FER: variants seen among roughly 807,000 people sequenced by gnomAD.
FER encodes tyrosine-protein kinase Fer.
FER carries 63 observed loss-of-function variants against 111.0 expected under a neutral mutation model. The observed-to-expected ratio is 0.57, with a 90% CI of 0.46 to 0.70. The LOEUF (loss-of-function observed/expected upper bound fraction) is 0.70. Ranked by LOEUF, FER falls within the 30% of genes least tolerant of loss-of-function variation. The pLI, the probability that FER is intolerant of heterozygous loss-of-function variation, is 0.00. For missense variants in FER, 914 were observed against 954.0 expected, an observed-to-expected ratio of 0.96 and a Z score of 0.55; for synonymous variants, 327 against 313.9, an observed-to-expected ratio of 1.04 and a Z score of -0.44.
At chr5:108,801,069 T>C (rs1756593155) in intron 3 of FER, among the ~76,000 whole-genome samples, 1 of 152,210 alleles carries the variant, frequency 6.6e-6, no homozygotes, top group Non-Finnish European at 1.5e-5. Context: ...CTTTGCCTGA[T>C]GCAAAGTTAA....
At chr5:108,950,533 A>G (rs1757579334) in intron 11 of FER, among the ~76,000 whole-genome samples, 1 of 152,182 alleles carries the variant, frequency 6.6e-6, no homozygotes, top group African/African-American at 2.4e-5. Context: ...TTTAGTGCCA[A>G]AGACAGAACC....
At chr5:109,143,853 A>T (rs577652719) in intron 17 of FER, among the ~76,000 whole-genome samples, 7 of 149,900 alleles carry the variant, frequency 4.7e-5, no homozygotes, top group East Asian at 1.9e-4. Context: ...TTTGCAGCAA[A>T]ATATATATAT....
Position 109,000,234 on chromosome 5 carries a change from G to T in FER, c.1657-37188G>T, listed in dbSNP as rs529107971. Among the ~76,000 whole-genome samples the T allele has an allele frequency of 4.0e-5, 6 of 151,502 alleles. No homozygotes were observed. The South Asian group carries it at 1.0e-3, about 26-fold the overall frequency. On this transcript the variant is annotated intron_variant, in intron 13 of 19. Transcript: ENST00000281092. ...CATAGTTTATATTAAAATGTAAAAC[G>T]TGTTTATCAAAAAGCATCATAAACA...
chr5:109,032,944 G>C (rs918099504), intron 13 of FER, among the ~76,000 whole-genome samples: 1 of 152,140 alleles, frequency 6.6e-6, no homozygotes, highest in African/African-American at 2.4e-5. Context: ...ATCTGTTGTA[G>C]CTTCAAGATC....
intron 13 of FER, among the ~76,000 whole-genome samples, chr5:108,997,714 C>T (rs1764180761): frequency 6.6e-6 from 1 of 152,062 alleles, no homozygotes; most frequent in African/African-American, 2.4e-5. Flanking sequence ...GTTATGTCTG[C>T]TGAAGCTGCT....
At chr5:108,850,927 C>A (rs1421485581) in intron 5 of FER, among the ~76,000 whole-genome samples, 1 of 152,126 alleles carries the variant, frequency 6.6e-6, no homozygotes, top group Non-Finnish European at 1.5e-5. Flanking sequence ...GTTGGTTTTG[C>A]TTCTTCCTAT....
intron 7 of FER, among the ~76,000 whole-genome samples, 163 bp downstream of exon 7, chr5:108,871,665 G>A (rs1465398038): frequency 6.6e-6 from 1 of 151,768 alleles, no homozygotes; most frequent in African/African-American, 2.4e-5. Context: ...CTTTGTCAAT[G>A]ATGATAACTA....
intron 13 of FER, among the ~76,000 whole-genome samples, chr5:109,004,952 A>T (rs925633753): frequency 2.0e-5 from 3 of 152,070 alleles, no homozygotes; most frequent in African/African-American, 7.2e-5. Flanking sequence ...TAATAAAAAG[A>T]ACTACTGATA....
chr5:109,003,214 AC>A (rs1765038488), intron 13 of FER, among the ~76,000 whole-genome samples: 1 of 152,220 alleles, frequency 6.6e-6, no homozygotes. Flanking sequence ...CTTGGAACCA[AC>A]CCAAATGTCC....
At chr5:109,135,002 A>C (rs1421548384) in intron 17 of FER, among the ~76,000 whole-genome samples, 1 of 152,160 alleles carries the variant, frequency 6.6e-6, no homozygotes, top group Admixed American at 6.6e-5. Context: ...TTTAAAACCT[A>C]GTATAATAAT....
At chr5:109,166,121 G>A (rs1365669916) in intron 17 of FER, among the ~76,000 whole-genome samples, 1 of 151,918 alleles carries the variant, frequency 6.6e-6, no homozygotes, top group African/African-American at 2.4e-5. Flanking sequence ...CATCCTGCTA[G>A]CCATGAGATT....
chr5:108,970,512 G>A (rs775344294), intron 13 of FER, among the ~76,000 whole-genome samples: 1 of 152,086 alleles, frequency 6.6e-6, no homozygotes, highest in Admixed American at 6.5e-5. Context: ...GAGCCACTGC[G>A]CCCAGCCTAT....
At chr5:108,986,102 AT>A (rs1246200962) in intron 13 of FER, among the ~76,000 whole-genome samples, 1 of 151,688 alleles carries the variant, frequency 6.6e-6, no homozygotes. Context: ...AACATGTATT[AT>A]TTTTTGTTTT....
At chr5:109,024,073 C>T (rs1283771010) in intron 13 of FER, among the ~76,000 whole-genome samples, 1 of 152,024 alleles carries the variant, frequency 6.6e-6, no homozygotes, top group Non-Finnish European at 1.5e-5. Flanking sequence ...TGAAAGAGGC[C>T]ATGTTGCTGA....
chr5:109,139,488 G>A (rs746111486), intron 17 of FER, among the ~76,000 whole-genome samples: 3 of 151,190 alleles, frequency 2.0e-5, no homozygotes, highest in Non-Finnish European at 4.4e-5. Flanking sequence ...TTATAACCTA[G>A]GGACATTGCT....
intron 14 of FER, among the ~76,000 whole-genome samples, chr5:109,040,658 C>A (rs1170876726): frequency 6.6e-6 from 1 of 152,048 alleles, no homozygotes; most frequent in Admixed American, 6.6e-5. Context: ...TGAAGTTTTG[C>A]TGCAAAAGAA....
At chr5:108,852,917 T>C (rs1762665564) in intron 5 of FER, among the ~76,000 whole-genome samples, 1 of 152,204 alleles carries the variant, frequency 6.6e-6, no homozygotes, top group Non-Finnish European at 1.5e-5. Flanking sequence ...TGGAATATGC[T>C]ATATGATTCA....
At chr5:108,874,534 A>C (rs73207557) in intron 8 of FER, among the ~76,000 whole-genome samples, 2,026 of 152,144 alleles carry the variant, frequency 0.013, 53 homozygotes, top group African/African-American at 0.047. Flanking sequence ...CTCTGTTGGC[A>C]CTTTCAAATA....
intron 17 of FER, among the ~76,000 whole-genome samples, chr5:109,177,122 T>C (rs1370239727): frequency 1.3e-5 from 2 of 152,182 alleles, no homozygotes; most frequent in African/African-American, 2.4e-5. Flanking sequence ...TATTAGAAAA[T>C]AACGTAATTC....
Sources: gnomAD v4.1 joint callset for allele counts (sites outside exome capture counted in the v4.1 genomes callset) on GRCh38, gnomAD v4.1.1 for gene constraint, MANE v1.5 for transcripts, NCBI Gene and HGNC (gene_info 2026-07-23, HGNC 2026-07-21) for gene names.